The following CSMD1 variants were observed in gnomAD, a reference collection of about 807,000 sequenced individuals.
The protein encoded by CSMD1 is CUB and Sushi multiple domains 1.
CSMD1 carries 213 observed loss-of-function variants against 417.5 expected under a neutral mutation model. The ratio of observed to expected loss-of-function variants is 0.51; its 90% CI spans 0.46 to 0.57. CSMD1 has a LOEUF of 0.57. Ranked by LOEUF, CSMD1 falls within the 20% of genes least tolerant of loss-of-function variation. CSMD1 has a pLI of 0.00. For missense variants in CSMD1, 6,923 were observed against 4,529.7 expected (o/e 1.53, Z -15.17); for synonymous variants, 2,862 against 1,736.8 (o/e 1.65, Z -16.11).
chr8:3,367,320 CG>C, intron 19 of CSMD1, 73 bp from the exon 20 acceptor site: 2 of 955,822 alleles, frequency 2.1e-6, no homozygotes, highest in Admixed American at 2.0e-5. Flanking sequence ...AGAGAGGGAG[CG>C]GGGCAGAGAG....
At chr8:4,466,271 A>C (rs1371668709) in intron 2 of CSMD1, among the ~76,000 whole-genome samples, 1 of 152,142 alleles carries the variant, frequency 6.6e-6, no homozygotes, top group Non-Finnish European at 1.5e-5. Flanking sequence ...TGGAAGAATA[A>C]GCTTGATGAG....
At chr8:3,204,396 G>C (rs1797137191) in intron 31 of CSMD1, among the ~76,000 whole-genome samples, 1 of 99,304 alleles carries the variant, frequency 1.0e-5, no homozygotes, top group Admixed American at 1.0e-4. Flanking sequence ...TGAGCATTTA[G>C]GTAAAAAAAA....
At chr8:3,818,702 G>C (rs9694214) in intron 5 of CSMD1, among the ~76,000 whole-genome samples, 115,797 of 152,142 alleles carry the variant, frequency 0.76, 44,265 homozygotes, top group East Asian at 0.82. Context: ...GTCAACAAAG[G>C]AAGGGAGATG....
chr8:3,587,417 A>G (rs1450189108), intron 8 of CSMD1, among the ~76,000 whole-genome samples: 2 of 152,208 alleles, frequency 1.3e-5, no homozygotes, highest in Admixed American at 6.5e-5. Context: ...GATGTTGAGG[A>G]AACAGAATTG....
intron 43 of CSMD1, 78 bp downstream of exon 43, chr8:3,110,080 T>G: frequency 8.5e-7 from 1 of 1,181,226 alleles, no homozygotes; most frequent in East Asian, 2.6e-5. Flanking sequence ...ATGTGCCTTG[T>G]ATATAAGTGG....
chr8:4,107,801 G>T (rs4526379), intron 3 of CSMD1, among the ~76,000 whole-genome samples: 150,861 of 152,324 alleles, frequency 0.99, 74,729 homozygotes, highest in East Asian at 1. Context: ...ATAACTGACA[G>T]GCAATCTGAG....
chr8:4,359,268 T>G (rs1563091599), intron 3 of CSMD1, among the ~76,000 whole-genome samples: 1 of 152,196 alleles, frequency 6.6e-6, no homozygotes, highest in Non-Finnish European at 1.5e-5. Context: ...CAAGAATATT[T>G]AATTCAATAG....
intron 50 of CSMD1, among the ~76,000 whole-genome samples, chr8:3,031,161 T>A (rs1350199363): frequency 6.6e-6 from 1 of 151,934 alleles, no homozygotes; most frequent in Non-Finnish European, 1.5e-5. Flanking sequence ...CCTCATAAAT[T>A]TATAACTCAA....
intron 5 of CSMD1, among the ~76,000 whole-genome samples, chr8:3,894,106 C>G (rs991766820): frequency 1.3e-5 from 2 of 152,192 alleles, no homozygotes; most frequent in South Asian, 4.1e-4. Context: ...GGTGTTCCGT[C>G]TATTCTGCAC....
At chr8:4,059,552 T>G (rs1033632524) in intron 3 of CSMD1, among the ~76,000 whole-genome samples, 27 of 151,458 alleles carry the variant, frequency 1.8e-4, no homozygotes, top group Non-Finnish European at 3.7e-4. Flanking sequence ...CTAGCAAGAC[T>G]AATAAAGAAA....
chr8:4,402,819 T>C (rs55744826), intron 3 of CSMD1, among the ~76,000 whole-genome samples: 13,110 of 66,384 alleles, frequency 0.2, 55 homozygotes, highest in Non-Finnish European at 0.24. Context: ...TTTTTTTTTT[T>C]TCTTTTTTTT....
chr8:2,983,503 T>C (rs934779146), intron 54 of CSMD1, among the ~76,000 whole-genome samples: 3 of 152,188 alleles, frequency 2.0e-5, no homozygotes, highest in Non-Finnish European at 4.4e-5. Context: ...TGTATATTTT[T>C]AACTTCATTT....
intron 3 of CSMD1, among the ~76,000 whole-genome samples, chr8:4,198,780 T>C (rs1799484719): frequency 6.6e-6 from 1 of 152,244 alleles, no homozygotes; most frequent in Non-Finnish European, 1.5e-5. Flanking sequence ...ATTCTAAGAG[T>C]TCATCGACTT....
At chr8:4,055,012 G>A (rs1005986740) in intron 3 of CSMD1, among the ~76,000 whole-genome samples, 5 of 152,156 alleles carry the variant, frequency 3.3e-5, no homozygotes, top group African/African-American at 7.2e-5. Flanking sequence ...AAATGTGTGT[G>A]AAGAAGGCGC....
chr8:3,572,692 G>T (rs983452732), intron 10 of CSMD1, among the ~76,000 whole-genome samples: 1 of 152,072 alleles, frequency 6.6e-6, no homozygotes, highest in Non-Finnish European at 1.5e-5. Context: ...TGAAAATGTC[G>T]CAATGGGATA....
At chr8:3,445,614 G>C (rs1815253364) in intron 12 of CSMD1, among the ~76,000 whole-genome samples, 5 of 152,118 alleles carry the variant, frequency 3.3e-5, no homozygotes, top group Non-Finnish European at 2.9e-5. Context: ...AAGAAGGCCA[G>C]AAGAGAGGCC....
chr8:4,202,881 C>A (rs1056355606), intron 3 of CSMD1, among the ~76,000 whole-genome samples: 1 of 152,076 alleles, frequency 6.6e-6, no homozygotes, highest in Admixed American at 6.6e-5. Flanking sequence ...TAGAGGGTGT[C>A]CTGGAGAAGG....
chr8:3,435,885 G>C (rs916361260), intron 12 of CSMD1, among the ~76,000 whole-genome samples: 1 of 152,228 alleles, frequency 6.6e-6, no homozygotes, highest in Non-Finnish European at 1.5e-5. Flanking sequence ...CCACTGGAAA[G>C]ATCTTCCCCT....
At chr8:4,929,405 G>C (rs550077144) in intron 1 of CSMD1, among the ~76,000 whole-genome samples, 2 of 152,182 alleles carry the variant, frequency 1.3e-5, no homozygotes, top group African/African-American at 4.8e-5. Flanking sequence ...CTAAATAACA[G>C]ATATTCAAGA....
Sources: allele counts gnomAD v4.1 joint callset (sites outside exome capture counted in the v4.1 genomes callset), GRCh38; gene constraint gnomAD v4.1.1; transcripts MANE v1.5; gene names NCBI Gene and HGNC (gene_info 2026-07-23, HGNC 2026-07-21).